The following PPP1R9B variants were observed in gnomAD, a reference collection of about 807,000 sequenced individuals.
PPP1R9B encodes neurabin-2.
In PPP1R9B, 17 loss-of-function variants were observed where a neutral mutation model predicts 75.8. The ratio of observed to expected loss-of-function variants is 0.22; its 90% CI spans 0.15 to 0.34. The LOEUF is 0.34. Ranked by LOEUF, PPP1R9B falls within the 10% of genes least tolerant of loss-of-function variation. The probability of loss-of-function intolerance (pLI) is 1.00; values close to 1 mark genes in which losing one functional copy is unlikely to be tolerated. For missense variants in PPP1R9B, 875 were observed against 1,196.0 expected, an observed-to-expected ratio of 0.73 and a Z score of 3.96; for synonymous variants, 509 against 535.4, an observed-to-expected ratio of 0.95 and a Z score of 0.68.
chr17:50,147,906 G>A (rs1912556456), intron 1 of PPP1R9B, among the ~76,000 whole-genome samples: 1 of 152,214 alleles, frequency 6.6e-6, no homozygotes, highest in South Asian at 2.1e-4. Flanking sequence ...GGAAGCTTCA[G>A]AGTCCAGGAG....
Position 50,149,735 on chromosome 17 carries a change from G to A in PPP1R9B, c.779C>T (p.Ala260Val). Residue 260 changes from alanine to valine, a missense_variant, in exon 1 of 10, where the codon GCC (alanine) becomes GTC (valine). Ala to Val is a moderately conservative substitution (Grantham distance 64). Around this residue, in one of 4 missense-constraint regions of PPP1R9B, gnomAD observed 449 missense variants for 475.0 expected, o/e 0.95. Coordinates refer to ENST00000612501, the MANE Select transcript of PPP1R9B (RefSeq NM_032595.5). This position sits in a 1 kb window ranked among gnomAD's most constrained non-coding sequence, Gnocchi z 7.2. ...CTCGGCCGGGGCATCCCCCGACGGGGCGGGCGGCGGCGGCGGCGGGGGCTG... is the reference window on the plus strand; with the variant it reads ...CTCGGCCGGGGCATCCCCCGACGGGACGGGCGGCGGCGGCGGCGGGGGCTG... ...VFQPPPPPPP[A>V]PSGDAPAEKE... 6 of 1,407,732 alleles carry A rather than the reference G, an allele frequency of 4.3e-6. No individual in the cohort carries two copies. Among genetic ancestry groups the A allele is most frequent in the Non-Finnish European group, 5.5e-6 (6 of 1,090,558 alleles). The allele number at this position is 1,407,732 out of a possible 1,614,324, so 87.2% of individuals were successfully genotyped here.
At chr17:50,144,819 A>G (rs1024919928) in intron 2 of PPP1R9B, among the ~76,000 whole-genome samples, 2 of 152,110 alleles carry the variant, frequency 1.3e-5, no homozygotes, top group Admixed American at 6.5e-5. Flanking sequence ...TGTGTCCCCA[A>G]CACAGAGCCC....
chr17:50,145,244 A>G lies in PPP1R9B; in HGVS notation c.1373T>C (p.Val458Ala). 1 of 1,613,448 alleles carries G rather than the reference A, an allele frequency of 6.2e-7. No homozygotes were observed. Residue 458 changes from valine (V) to alanine (A), a missense_variant and splice_region_variant, in exon 2 of 10, where the codon GTG (valine) becomes GCG (alanine). By Grantham distance (64) the Val-to-Ala change is moderately conservative. This residue lies in a region of PPP1R9B where 63 missense variants were observed against 160.2 expected (regional missense o/e 0.39). Transcript: ENST00000612501. ...KIHFSTAPIQ[V>A]FSTYSNEDYD... Reference sequence around the variant, plus strand: ...ATCCTCGTTGGAGTAAGTGCTGAACACCTGGGGAGGGAGGCAGCTGGTCAG... The same window carrying G: ...ATCCTCGTTGGAGTAAGTGCTGAACGCCTGGGGAGGGAGGCAGCTGGTCAG...
At position 50,141,257 on chromosome 17, in the gene PPP1R9B, C is replaced by T; in HGVS notation, c.1730+12G>A. The T allele has an allele frequency of 6.4e-7, 1 of 1,557,460 alleles. No individual in the cohort carries two copies. The highest frequency in any genetic ancestry group is 1.7e-4 in the Middle Eastern group (1 of 5,974). On this transcript the variant is annotated intron_variant, in intron 4 of 9. Transcript: ENST00000612501. ...CTGCCCGCTCCCACGCCCCACCCCT[C>T]TGGGCTCTCACCGCACTCGGCCCTT...
chr17:50,139,596 C>T lies in PPP1R9B; in HGVS notation c.1867-15G>A, dbSNP rs374966886. 11 of 1,529,808 alleles carry T rather than the reference C, an allele frequency of 7.2e-6. No homozygotes were observed. The highest frequency in any genetic ancestry group is 4.2e-5 in the Admixed American group (2 of 47,728). 94.8% of individuals were successfully genotyped at this position (1,529,808 alleles called of 1,614,324 possible). Reference sequence around the variant, plus strand: ...TACTCTCCCGTCTGCGAAGGGAGACCGGAGACTGTGGGCCCACCCCACCCA... The same window carrying T: ...TACTCTCCCGTCTGCGAAGGGAGACTGGAGACTGTGGGCCCACCCCACCCA... On this transcript the variant is annotated splice_polypyrimidine_tract_variant and intron_variant, in intron 5 of 9. Coordinates refer to ENST00000612501, the MANE Select transcript of PPP1R9B (RefSeq NM_032595.5). This position sits in a 1 kb window ranked among gnomAD's most constrained non-coding sequence, Gnocchi z 5.0.
chr17:50,149,984 CCGG>C lies in PPP1R9B; in HGVS notation c.527_529del (p.Ala176del). 6.6e-7 allele frequency: 1 copy of C among 1,506,130 alleles called. No homozygotes were observed. Among genetic ancestry groups the C allele is most frequent in the Non-Finnish European group, 8.8e-7 (1 of 1,136,500 alleles). 93.3% of individuals were successfully genotyped at this position (1,506,130 alleles called of 1,614,324 possible). On this transcript the variant is annotated inframe_deletion, in exon 1 of 10. Coordinates refer to ENST00000612501, the MANE Select transcript of PPP1R9B (RefSeq NM_032595.5). This position sits in a 1 kb window ranked among gnomAD's most constrained non-coding sequence, Gnocchi z 7.2. ...GACGTCCAGCTTCCGGTCCTGCAGG[CCGG>C]CGCGCTCCTGCCTCAGCAGCCGCCG...
chr17:50,135,405 G>T (rs370615885), intron 9 of PPP1R9B, 21 bp from the exon 10 acceptor site: 5 of 1,612,624 alleles, frequency 3.1e-6, no homozygotes, highest in Non-Finnish European at 4.2e-6. Context: ...AAGGAGGGTA[G>T]GGGGTCAGGT....
chr17:50,136,754 T>G, intron 7 of PPP1R9B, among the ~76,000 whole-genome samples: 1 of 152,024 alleles, frequency 6.6e-6, no homozygotes, highest in Admixed American at 6.6e-5. Flanking sequence ...CTCTGTTCTC[T>G]CTATACTCAC....
rs1298477661 is a variant in PPP1R9B, at chr17:50,135,617, T to C, written c.2336A>G (p.Gln779Arg). ...CTCCGACTCCTCCAGAACCCGACGCTGTGCAGTCTCCTTTTTCAGGAACTC... is the reference window on the plus strand; with the variant it reads ...CTCCGACTCCTCCAGAACCCGACGCCGTGCAGTCTCCTTTTTCAGGAACTC... Reference protein sequence around the residue: ...EIEFLKKETAQRRVLEESELA... With the variant: ...EIEFLKKETARRRVLEESELA... Residue 779 changes from glutamine (Q) to arginine (R), a missense_variant, in exon 9 of 10, where the codon CAG becomes CGG. Transcript: ENST00000612501. The C allele has an allele frequency of 6.2e-7, 1 of 1,610,646 alleles. No homozygotes were observed. The highest frequency in any genetic ancestry group is 8.5e-7 in the Non-Finnish European group (1 of 1,178,438).
intron 3 of PPP1R9B, among the ~76,000 whole-genome samples, chr17:50,143,228 C>G (rs1166433947): frequency 1.3e-5 from 2 of 152,232 alleles, no homozygotes; most frequent in South Asian, 4.1e-4. Flanking sequence ...CGGCCCAACA[C>G]TGTCAGAGAC....
chr17:50,149,136 C>G lies in PPP1R9B; in HGVS notation c.1371+7G>C. On this transcript the variant is annotated splice_region_variant and intron_variant, in intron 1 of 9. Transcript: ENST00000612501. This position sits in a 1 kb window ranked among gnomAD's most constrained non-coding sequence, Gnocchi z 7.2. ...GGCGCGGGGGCAGGGCGGGGGGGCT[C>G]ACTTACTTGGATGGGCGCCGTGCTG... 1 of 1,443,826 alleles carries G rather than the reference C, an allele frequency of 6.9e-7. No homozygotes were observed. Among genetic ancestry groups the G allele is most frequent in the Admixed American group, 2.5e-5 (1 of 39,298 alleles). 89.4% of individuals were successfully genotyped at this position (1,443,826 alleles called of 1,614,324 possible).
At chr17:50,145,028 G>T in intron 2 of PPP1R9B, 85 bp downstream of exon 2, 1 of 1,507,988 alleles carries the variant, frequency 6.6e-7, no homozygotes, top group Non-Finnish European at 8.9e-7. Context: ...GAGCCCCTGA[G>T]GGCACAGGGC....
In PPP1R9B at chr17:50,139,381, G is replaced by C; in HGVS notation, c.2019+48C>G. 1 of 1,613,066 alleles carries C rather than the reference G, an allele frequency of 6.2e-7. No homozygotes were observed. The highest frequency in any genetic ancestry group is 8.5e-7 in the Non-Finnish European group (1 of 1,179,408). On this transcript the variant is annotated intron_variant, in intron 6 of 9. Coordinates refer to ENST00000612501, the MANE Select transcript of PPP1R9B (RefSeq NM_032595.5). This position sits in a 1 kb window ranked among gnomAD's most constrained non-coding sequence, Gnocchi z 5.0. ...GGGGCAGGCAGTGCCAAGGGCAGGAGACCTGCCTGCCTTTCCCTCCACCAC... is the reference window on the plus strand; with the variant it reads ...GGGGCAGGCAGTGCCAAGGGCAGGACACCTGCCTGCCTTTCCCTCCACCAC...
intron 2 of PPP1R9B, among the ~76,000 whole-genome samples, chr17:50,144,668 G>A (rs1567729558): frequency 6.6e-6 from 1 of 152,140 alleles, no homozygotes; most frequent in Admixed American, 6.5e-5. Flanking sequence ...AGCACAGTCT[G>A]GTTAGGTCAC....
chr17:50,143,868 C>T, intron 2 of PPP1R9B, 150 bp from the exon 3 acceptor site: 2 of 1,175,920 alleles, frequency 1.7e-6, no homozygotes, highest in Non-Finnish European at 2.4e-6. Context: ...GTTCTGTCCA[C>T]CGTCTTTGCC....
intron 1 of PPP1R9B, among the ~76,000 whole-genome samples, chr17:50,146,903 G>A (rs1232589260): frequency 6.6e-6 from 1 of 152,196 alleles, no homozygotes; most frequent in Non-Finnish European, 1.5e-5. Context: ...GCTGATGTGA[G>A]CCTGGACTCA....
Position 50,150,190 on chromosome 17 carries a change from G to A in PPP1R9B, c.324C>T (p.Ser108=), listed in dbSNP as rs1167044737. ...ASSLNENVDH[S]ALLKLGTSVS... is the part of the protein sequence containing the mutation. The stretch of plus-strand genomic sequence containing the variant: ...CGCTGGTGCCCAGCTTCAGCAGGGC[G>A]CTGTGGTCCACGTTCTCGTTCAGGC... The change falls in exon 1 of 10, where the codon AGC becomes AGT. Residue 108 remains serine, a synonymous_variant. Transcript: ENST00000612501. The surrounding 1 kb of genome is among the most constrained non-coding windows in gnomAD (Gnocchi z 8.7). 4.1e-6 allele frequency: 6 copies of A among 1,461,010 alleles called. No homozygotes were observed. The highest frequency in any genetic ancestry group is 4.5e-6 in the Non-Finnish European group (5 of 1,107,540). 90.5% of individuals were successfully genotyped at this position (1,461,010 alleles called of 1,614,324 possible).
At chr17:50,147,853 G>T (rs979374940) in intron 1 of PPP1R9B, among the ~76,000 whole-genome samples, 2 of 152,160 alleles carry the variant, frequency 1.3e-5, no homozygotes, top group African/African-American at 4.8e-5. Context: ...GGAGGTGGGA[G>T]AGGGGCAGAG....
At position 50,136,054 on chromosome 17, in the gene PPP1R9B, C is replaced by T. The variant is rs767449346; in HGVS notation, c.2217G>A (p.Glu739=). ...ACTGCGCCTGAGTCTCCCGCAGGTG[C>T]TCGTCCACAGCCTGGCACAGGCTCT... ...EAQSLCQAVD[E]HLRETQAQYQ... is the part of the protein sequence containing the mutation. The change falls in exon 8 of 10, where the codon GAG becomes GAA. Residue 739 remains glutamate (E), a synonymous_variant. Coordinates refer to ENST00000612501, the MANE Select transcript of PPP1R9B (RefSeq NM_032595.5). The T allele has an allele frequency of 6.2e-7, 1 of 1,612,484 alleles. No homozygotes were observed. The highest frequency in any genetic ancestry group is 8.5e-7 in the Non-Finnish European group (1 of 1,179,510).
Sources: allele counts gnomAD v4.1 joint callset (sites outside exome capture counted in the v4.1 genomes callset), GRCh38; gene constraint gnomAD v4.1.1; regional missense constraint gnomAD v4.1.1; non-coding constraint Gnocchi (gnomAD v3.1); transcripts MANE v1.5; gene names NCBI Gene and HGNC (gene_info 2026-07-23, HGNC 2026-07-21).